The following SCIN variants were observed in gnomAD, a reference collection of about 807,000 sequenced individuals.
The protein encoded by SCIN is scinderin, also known as adseverin.
In SCIN, 91 loss-of-function variants were observed where a neutral mutation model predicts 91.8. The observed-to-expected ratio is 0.99, with a 90% CI of 0.84 to 1.18. The LOEUF (loss-of-function observed/expected upper bound fraction) is 1.18, where lower values mean the gene tolerates loss of function less well. SCIN is among the 50% of genes most tolerant of loss of function. The pLI, the probability that SCIN is intolerant of heterozygous loss-of-function variation, is 0.00. For missense variants in SCIN, 1,087 were observed against 863.9 expected (o/e 1.26, Z -3.24); for synonymous variants, 367 against 312.6 (o/e 1.17, Z -1.84).
In SCIN at chr7:12,651,258, A is replaced by C. The variant is rs1784072951; in HGVS notation, c.1960-583A>C. On this transcript the variant is annotated intron_variant, in intron 14 of 15. Coordinates refer to ENST00000297029, the MANE Select transcript of SCIN (RefSeq NM_001112706.3). The surrounding 1 kb of genome is among the most constrained non-coding windows in gnomAD (Gnocchi z 5.9). Reference sequence around the variant, plus strand: ...AACCTCACATAAAGTATAGATGGTAAATGTTTCTTTCAGACCTTTAAGAGT... The same window carrying C: ...AACCTCACATAAAGTATAGATGGTACATGTTTCTTTCAGACCTTTAAGAGT... Among the ~76,000 whole-genome samples the C allele has an allele frequency of 6.6e-6, 1 of 152,170 alleles. No homozygotes were observed. Among genetic ancestry groups the C allele is most frequent in the African/African-American group, 2.4e-5 (1 of 41,428 alleles).
At chr7:12,599,168 T>C (rs1265138678) in intron 3 of SCIN, among the ~76,000 whole-genome samples, 1 of 152,218 alleles carries the variant, frequency 6.6e-6, no homozygotes, top group Non-Finnish European at 1.5e-5. Context: ...ACCACTTTGC[T>C]TAGTAATTTA....
At position 12,578,115 on chromosome 7, in the gene SCIN, A is replaced by G; in HGVS notation, c.251A>G (p.Gln84Arg). The change falls in exon 2 of 16, where the codon CAG (glutamine) becomes CGG (arginine). Residue 84 changes from glutamine to arginine, a missense_variant. Gln to Arg is a conservative substitution (Grantham distance 43, BLOSUM62 1). Transcript: ENST00000297029. ...ACAGCTGCTGCCATCTTCACTGTTC[A>G]GATGGATGACTATTTGGGTGGCAAG... ...ESTAAAIFTVQMDDYLGGKPV... is the reference protein window; with the variant it reads ...ESTAAAIFTVRMDDYLGGKPV... The G allele has an allele frequency of 6.4e-7, 1 of 1,550,694 alleles. No individual in the cohort carries two copies. Among genetic ancestry groups the G allele is most frequent in the South Asian group, 1.2e-5 (1 of 83,858 alleles).
chr7:12,623,189 A>G (rs1783445961), intron 5 of SCIN, among the ~76,000 whole-genome samples: 1 of 152,316 alleles, frequency 6.6e-6, no homozygotes, highest in Non-Finnish European at 1.5e-5. Context: ...TACTCAATAC[A>G]ATGTTTCCTT....
Position 12,651,170 on chromosome 7 carries a change from C to T in SCIN, c.1960-671C>T, listed in dbSNP as rs1469311482. Among the ~76,000 whole-genome samples the T allele has an allele frequency of 6.6e-6, 1 of 152,062 alleles. No homozygotes were observed. The highest frequency in any genetic ancestry group is 1.5e-5 in the Non-Finnish European group (1 of 67,990). On this transcript the variant is annotated intron_variant, in intron 14 of 15. Coordinates refer to ENST00000297029, the MANE Select transcript of SCIN (RefSeq NM_001112706.3). This position sits in a 1 kb window ranked among gnomAD's most constrained non-coding sequence, Gnocchi z 5.9. Reference sequence around the variant, plus strand: ...GAAAGAATGGGGGATTGCAGGATGGCAAAACTGGTTATGGGAGGGAGAGAA... The same window carrying T: ...GAAAGAATGGGGGATTGCAGGATGGTAAAACTGGTTATGGGAGGGAGAGAA...
Position 12,623,472 on chromosome 7 carries a change from T to C in SCIN, c.759+579T>C, listed in dbSNP as rs181193197. Among the ~76,000 whole-genome samples the C allele has an allele frequency of 2.7e-4, 41 of 152,340 alleles. No homozygotes were observed. In the East Asian group the frequency reaches 4.0e-3, roughly 15 times the overall value. ...ACCACTCTGGGTCTAAGTATTCTTA[T>C]GCACACACAACAAAGAAAGTAGGTT... On this transcript the variant is annotated intron_variant, in intron 5 of 15. Transcript: ENST00000297029.
At position 12,658,326 on chromosome 7, in the gene SCIN, A is replaced by G. The variant is rs775302240; in HGVS notation, c.*5611A>G. 6 of 152,332 alleles carry G rather than the reference A, an allele frequency of 3.9e-5. No homozygotes were observed. The highest frequency in any genetic ancestry group is 4.1e-4 in the South Asian group (2 of 4,828). 9.4% of individuals were successfully genotyped at this position (152,332 alleles called of 1,614,324 possible). On this transcript the variant is annotated 3_prime_UTR_variant, in exon 16 of 16. Transcript: ENST00000297029. ...TTTAACTGGAATAGTAGTGAGAATG[A>G]TAGAGCAGGGCCCTTAACTCCTTAG...
chr7:12,598,966 A>G (rs1053860729), intron 3 of SCIN, among the ~76,000 whole-genome samples: 1 of 152,210 alleles, frequency 6.6e-6, no homozygotes, highest in Non-Finnish European at 1.5e-5. Flanking sequence ...ATGACTTGTC[A>G]AGCATTCTGA....
chr7:12,649,501 AT>A lies in SCIN; in HGVS notation c.1919del (p.Leu640Ter). The A allele has an allele frequency of 1.2e-6, 2 of 1,603,472 alleles. No individual in the cohort carries two copies. The highest frequency in any genetic ancestry group is 1.7e-6 in the Non-Finnish European group (2 of 1,174,504). ...EEIPGEFTQD[D>X]LAEDDVMLLD... The stretch of plus-strand genomic sequence containing the variant: ...ATTCCAGGAGAGTTCACCCAGGATG[AT>A]TTAGCTGAAGATGATGTCATGTTAC... On this transcript the variant is annotated frameshift_variant, in exon 14 of 16. Transcript: ENST00000297029. LOFTEE classifies it high-confidence loss of function.
chr7:12,579,584 C>T (rs1470213625), intron 2 of SCIN, among the ~76,000 whole-genome samples: 4 of 152,154 alleles, frequency 2.6e-5, no homozygotes, highest in Non-Finnish European at 4.4e-5. Flanking sequence ...ATAACAGTTT[C>T]CTCATACAGG....
chr7:12,604,585 C>G lies in SCIN; in HGVS notation c.588C>G (p.Gly196=). The change falls in exon 4 of 16, where the codon GGC becomes GGG. Residue 196 remains glycine (G), a synonymous_variant. Transcript: ENST00000297029. ...TGAAGGCAAACCAGGTAGCTACTGG[C>G]ATTCGGTACAATGAAAGGAAAGGAA... ...ERLKANQVAT[G]IRYNERKGRS... 6.4e-7 allele frequency: 1 copy of G among 1,551,916 alleles called. No individual in the cohort carries two copies. Among genetic ancestry groups the G allele is most frequent in the Non-Finnish European group, 8.7e-7 (1 of 1,146,940 alleles).
chr7:12,604,739 TAAGGCAGCAG>T, intron 4 of SCIN, 76 bp downstream of exon 4: 1 of 1,316,138 alleles, frequency 7.6e-7, no homozygotes, highest in Non-Finnish European at 1.0e-6. Flanking sequence ...TGTGTGTGTG[TAAGGCAGCAG>T]GGTGGGGAAG....
chr7:12,619,348 A>G (rs1783359949), intron 4 of SCIN, among the ~76,000 whole-genome samples: 1 of 152,142 alleles, frequency 6.6e-6, no homozygotes, highest in African/African-American at 2.4e-5. Flanking sequence ...TTTTTATCCA[A>G]AGTAGGTAAA....
chr7:12,588,808 T>TGGGGGGGGGGGGTGGGG (rs1782647214), intron 3 of SCIN: 1 of 7,974 alleles, frequency 1.3e-4, no homozygotes, highest in Non-Finnish European at 2.0e-4. Flanking sequence ...CTGCATTGGG[T>TGGGGGGGGGGGGTGGGG]GGGGGGGGGG....
At chr7:12,596,541 G>C (rs938958293) in intron 3 of SCIN, 1 of 441,304 alleles carries the variant, frequency 2.3e-6, no homozygotes, top group Non-Finnish European at 4.6e-6. Context: ...GGTTGGGGGA[G>C]GGCCCTCTCC....
Position 12,578,205 on chromosome 7 carries a change from G to T in SCIN, c.341G>T (p.Gly114Val). 9 of 1,546,406 alleles carry T rather than the reference G, an allele frequency of 5.8e-6. No homozygotes were observed. The highest frequency in any genetic ancestry group is 7.9e-6 in the Non-Finnish European group (9 of 1,144,600). ...GACTTTGTTAGCTATTTCAAAGGCG[G>T]TCTGAAATACAAGGTAAGCAGCTCC... ...SNDFVSYFKG[G>V]LKYKAGGVAS... is the part of the protein sequence containing the mutation. Residue 114 changes from glycine (G) to valine (V), a missense_variant, in exon 2 of 16, where the codon GGT (glycine) becomes GTT (valine). Coordinates refer to ENST00000297029, the MANE Select transcript of SCIN (RefSeq NM_001112706.3).
intron 13 of SCIN, among the ~76,000 whole-genome samples, chr7:12,645,419 T>A (rs1783944916): frequency 2.0e-5 from 3 of 152,192 alleles, no homozygotes. Context: ...TCAGACATGC[T>A]ACTGTTCTGA....
At chr7:12,592,458 CAT>C (rs1782745036) in intron 3 of SCIN, among the ~76,000 whole-genome samples, 1 of 151,784 alleles carries the variant, frequency 6.6e-6, no homozygotes, top group Non-Finnish European at 1.5e-5. Context: ...TATTGAGGAA[CAT>C]TGGGAAATTT....
intron 4 of SCIN, among the ~76,000 whole-genome samples, chr7:12,620,132 A>C (rs1460326760): frequency 6.6e-6 from 1 of 152,070 alleles, no homozygotes; most frequent in Non-Finnish European, 1.5e-5. Flanking sequence ...ATATTTTGAT[A>C]GAAGTATAAG....
chr7:12,604,853 A>G (rs945451251), intron 4 of SCIN, among the ~76,000 whole-genome samples, 190 bp downstream of exon 4: 1 of 152,100 alleles, frequency 6.6e-6, no homozygotes, highest in Admixed American at 6.5e-5. Context: ...GGAACTGGGA[A>G]AACAGAAAGT....
Sources: gnomAD v4.1 joint callset for allele counts (sites outside exome capture counted in the v4.1 genomes callset) on GRCh38, gnomAD v4.1.1 for gene constraint, Gnocchi (gnomAD v3.1) non-coding constraint, MANE v1.5 for transcripts, NCBI Gene and HGNC (gene_info 2026-07-23, HGNC 2026-07-21) for gene names.